The following VPS13B variants were observed in gnomAD, a reference collection of about 807,000 sequenced individuals.
VPS13B encodes vacuolar protein sorting 13 homolog B, also known as intermembrane lipid transfer protein VPS13B.
In VPS13B, 285 loss-of-function variants were observed where a neutral mutation model predicts 426.4. The ratio of observed to expected loss-of-function variants is 0.67; its 90% CI spans 0.61 to 0.74. The LOEUF (loss-of-function observed/expected upper bound fraction) is 0.74. Ranked by LOEUF, VPS13B falls within the 30% of genes least tolerant of loss-of-function variation. The probability of loss-of-function intolerance (pLI) is 0.00; values close to 1 mark genes in which losing one functional copy is unlikely to be tolerated. For missense variants in VPS13B, 4,537 were observed against 4,782.6 expected (o/e 0.95, Z 1.51); for synonymous variants, 1,676 against 1,676.4 (o/e 1.00, Z 0.01).
At chr8:99,872,870 C>T (rs887265172) in intron 61 of VPS13B, among the ~76,000 whole-genome samples, 2 of 152,186 alleles carry the variant, frequency 1.3e-5, no homozygotes, top group Admixed American at 6.5e-5. Flanking sequence ...TGGAAAGCAG[C>T]CAACCACAAC....
intron 17 of VPS13B, among the ~76,000 whole-genome samples, chr8:99,223,598 T>G (rs578209643): frequency 1.3e-5 from 2 of 152,298 alleles, no homozygotes; most frequent in Admixed American, 6.5e-5. Context: ...TTAGCCCCTA[T>G]GTAATAACTG....
At chr8:99,397,213 T>A (rs2133325965) in intron 21 of VPS13B, among the ~76,000 whole-genome samples, 1 of 152,330 alleles carries the variant, frequency 6.6e-6, no homozygotes, top group East Asian at 1.9e-4. Context: ...TGACGTGATC[T>A]TGGCTCACTG....
At chr8:99,577,332 A>C (rs1825824541) in intron 32 of VPS13B, among the ~76,000 whole-genome samples, 158 bp from the exon 33 acceptor site, 1 of 152,160 alleles carries the variant, frequency 6.6e-6, no homozygotes, top group African/African-American at 2.4e-5. Context: ...AATTGTGTCA[A>C]GTGGCTGTGC....
chr8:99,431,739 T>G (rs1244533536), intron 22 of VPS13B, 75 bp downstream of exon 22: 1 of 1,484,184 alleles, frequency 6.7e-7, no homozygotes, highest in Non-Finnish European at 9.2e-7. Context: ...TTAATATTGG[T>G]AAGACTTTTC....
chr8:99,108,004 C>T (rs1394158235), intron 5 of VPS13B, among the ~76,000 whole-genome samples: 1 of 152,148 alleles, frequency 6.6e-6, no homozygotes, highest in Non-Finnish European at 1.5e-5. Context: ...CTCCCACCCT[C>T]CACCCTCAAG....
At chr8:99,832,231 C>G (rs1276280624) in intron 51 of VPS13B, 138 bp from the exon 52 acceptor site, 1 of 1,283,724 alleles carries the variant, frequency 7.8e-7, no homozygotes, top group Non-Finnish European at 1.0e-6. Flanking sequence ...CACTGCACTC[C>G]CGCCTGCGTG....
chr8:99,657,152 G>A (rs1830049783), intron 34 of VPS13B, among the ~76,000 whole-genome samples: 1 of 152,046 alleles, frequency 6.6e-6, no homozygotes, highest in Non-Finnish European at 1.5e-5. Context: ...ATCTCCCCCT[G>A]TAATTGCCCA....
At chr8:99,302,504 C>G (rs939751341) in intron 19 of VPS13B, among the ~76,000 whole-genome samples, 8 of 152,006 alleles carry the variant, frequency 5.3e-5, no homozygotes, top group African/African-American at 1.9e-4. Context: ...TTATTGAATA[C>G]TCTATTGATT....
chr8:99,111,406 T>C (rs1847359536), intron 6 of VPS13B, 127 bp downstream of exon 6: 1 of 693,204 alleles, frequency 1.4e-6, no homozygotes, highest in African/African-American at 1.9e-5. Context: ...TTTGTTTTTA[T>C]AAAAATTTTA....
At chr8:99,867,703 C>T (rs1432262587) in intron 58 of VPS13B, among the ~76,000 whole-genome samples, 1 of 152,028 alleles carries the variant, frequency 6.6e-6, no homozygotes, top group Non-Finnish European at 1.5e-5. Context: ...ATCAAATGAT[C>T]TCATACAAAT....
At chr8:99,689,244 T>C (rs1455128620) in intron 35 of VPS13B, among the ~76,000 whole-genome samples, 1 of 152,122 alleles carries the variant, frequency 6.6e-6, no homozygotes, top group South Asian at 2.1e-4. Flanking sequence ...TATTTTGAAA[T>C]GAAATATTTT....
Position 99,134,625 on chromosome 8 carries a change from T to A in VPS13B, c.1207-7T>A. 6.3e-7 allele frequency: 1 copy of A among 1,587,308 alleles called. No homozygotes were observed. The highest frequency in any genetic ancestry group is 8.6e-7 in the Non-Finnish European group (1 of 1,160,070). ...TTTGATTTACTTAATATTCTTATAT[T>A]TCTTAGCTCACAGAAATGCAAGTTG... On this transcript the variant is annotated splice_region_variant and splice_polypyrimidine_tract_variant and intron_variant, in intron 8 of 61. Coordinates refer to ENST00000357162, the MANE Select transcript of VPS13B (RefSeq NM_152564.5).
intron 3 of VPS13B, among the ~76,000 whole-genome samples, chr8:99,050,550 A>C (rs1166378958): frequency 6.6e-6 from 1 of 152,208 alleles, no homozygotes; most frequent in Non-Finnish European, 1.5e-5. Flanking sequence ...GCATATACCA[A>C]GTAATGGATG....
intron 58 of VPS13B, 165 bp from the exon 59 acceptor site, chr8:99,868,124 G>T: frequency 1.3e-6 from 1 of 768,170 alleles, no homozygotes; most frequent in East Asian, 2.7e-5. Context: ...AATGTCTACT[G>T]CCCTTGGTGT....
intron 17 of VPS13B, chr8:99,233,493 CTGCTCTTGAT>C: frequency 7.7e-7 from 1 of 1,305,606 alleles, no homozygotes; most frequent in Non-Finnish European, 1.1e-6. Flanking sequence ...TCACAATCTC[CTGCTCTTGAT>C]AAGAATGCTG....
intron 29 of VPS13B, among the ~76,000 whole-genome samples, chr8:99,516,885 A>G (rs1214196285): frequency 6.6e-6 from 1 of 151,824 alleles, no homozygotes; most frequent in African/African-American, 2.4e-5. Context: ...ACTTTTCAGC[A>G]GAAACTTTAT....
In VPS13B at chr8:99,353,013, C is replaced by T. The variant is rs1811976487; in HGVS notation, c.2825-31195C>T. ...TTATTATTTTTTGGAGACAGAGTCT[C>T]GCTCCAGACCCAGGCTGGAGTGCAG... On this transcript the variant is annotated intron_variant, in intron 19 of 61. Transcript: ENST00000357162. Among the ~76,000 whole-genome samples, 4 of 151,854 alleles carry T rather than the reference C, an allele frequency of 2.6e-5. No individual in the cohort carries two copies. The South Asian group carries it at 6.3e-4, about 24-fold the overall frequency.
At chr8:99,100,471 G>A (rs572942395) in intron 4 of VPS13B, among the ~76,000 whole-genome samples, 1 of 151,954 alleles carries the variant, frequency 6.6e-6, no homozygotes, top group African/African-American at 2.4e-5. Context: ...TTGTATTTTT[G>A]TAGAGACGGG....
At chr8:99,384,382 T>C (rs1310644314) in intron 20 of VPS13B, 65 bp downstream of exon 20, 4 of 1,291,092 alleles carry the variant, frequency 3.1e-6, no homozygotes, top group Non-Finnish European at 4.4e-6. Context: ...AGTAGAATTA[T>C]ATATGTCTTT....
Sources: gnomAD v4.1 joint callset for allele counts (sites outside exome capture counted in the v4.1 genomes callset) on GRCh38, gnomAD v4.1.1 for gene constraint, MANE v1.5 for transcripts, NCBI Gene and HGNC (gene_info 2026-07-23, HGNC 2026-07-21) for gene names.